CWC25: variants seen among roughly 807,000 people sequenced by gnomAD.
CWC25 encodes pre-mRNA-splicing factor CWC25 homolog.
In CWC25, 31 loss-of-function variants were observed where a neutral mutation model predicts 54.6. The ratio of observed to expected loss-of-function variants is 0.57; its 90% CI spans 0.43 to 0.77. The LOEUF is 0.77. CWC25 is among the 30% of genes least tolerant of loss of function. The pLI is 0.00. For missense variants in CWC25, 453 were observed against 529.3 expected, an observed-to-expected ratio of 0.86 and a Z score of 1.41; for synonymous variants, 151 against 187.0, an observed-to-expected ratio of 0.81 and a Z score of 1.57.
chr17:38,818,966 G>C (rs1238676993), intron 2 of CWC25, among the ~76,000 whole-genome samples: 1 of 152,184 alleles, frequency 6.6e-6, no homozygotes, highest in East Asian at 1.9e-4. Context: ...CCTTTGGATA[G>C]TACCTCGGCT....
chr17:38,811,837 AG>A (rs1361223166), intron 4 of CWC25, among the ~76,000 whole-genome samples: 1 of 152,222 alleles, frequency 6.6e-6, no homozygotes. Context: ...TTCCACTGAA[AG>A]CAGTCAGGAA....
intron 5 of CWC25, 101 bp from the exon 6 acceptor site, chr17:38,809,866 T>C (rs1911412517): frequency 3.7e-6 from 4 of 1,070,242 alleles, no homozygotes; most frequent in Non-Finnish European, 5.5e-6. Context: ...CAATGTGACC[T>C]TTCCGCCTCC....
chr17:38,812,948 C>A, intron 3 of CWC25, 84 bp from the exon 4 acceptor site: 1 of 755,372 alleles, frequency 1.3e-6, no homozygotes, highest in Non-Finnish European at 2.2e-6. Context: ...CATATACAGA[C>A]AAACTGGCCC....
chr17:38,814,245 C>T (rs1437444939), intron 3 of CWC25, among the ~76,000 whole-genome samples: 3 of 151,922 alleles, frequency 2.0e-5, no homozygotes, highest in African/African-American at 7.2e-5. Flanking sequence ...GGTTGCACAA[C>T]ACTTTGACTG....
At chr17:38,820,366 C>T (rs1355280696) in intron 2 of CWC25, among the ~76,000 whole-genome samples, 1 of 152,160 alleles carries the variant, frequency 6.6e-6, no homozygotes, top group Non-Finnish European at 1.5e-5. Context: ...ATCTGCTACT[C>T]GTATCCTATA....
At chr17:38,816,224 A>C (rs564806997) in intron 2 of CWC25, among the ~76,000 whole-genome samples, 14 of 152,218 alleles carry the variant, frequency 9.2e-5, no homozygotes, top group African/African-American at 3.4e-4. Context: ...CCTGAAATTA[A>C]ATGCTTTTTG....
intron 8 of CWC25, 40 bp from the exon 9 acceptor site, chr17:38,802,901 C>CA (rs772259996): frequency 5.6e-6 from 9 of 1,608,098 alleles, no homozygotes; most frequent in South Asian, 4.4e-5. Context: ...TCTCTTCCAG[C>CA]AAAAAAACCA....
chr17:38,802,700 T>TG lies in CWC25; in HGVS notation c.1162dup (p.His388ProfsTer85). ...CCTGGCAGGAAGAAGATGCACTCAC[T>TG]GGATGAACTTCCCATCCCGGGAGTC... On this transcript the variant is annotated frameshift_variant and splice_region_variant, in exon 9 of 10. Coordinates refer to ENST00000614790, the MANE Select transcript of CWC25 (RefSeq NM_017748.5). LOFTEE classifies it high-confidence loss of function. 1 of 1,613,974 alleles carries TG rather than the reference T, an allele frequency of 6.2e-7. No homozygotes were observed. Among genetic ancestry groups the TG allele is most frequent in the Non-Finnish European group, 8.5e-7 (1 of 1,179,850 alleles).
At chr17:38,803,814 G>C (rs1449515288) in intron 8 of CWC25, among the ~76,000 whole-genome samples, 2 of 151,672 alleles carry the variant, frequency 1.3e-5, no homozygotes, top group Non-Finnish European at 2.9e-5. Flanking sequence ...TAGGCAGGAG[G>C]ATTGCTTGAG....
At chr17:38,804,130 G>GCAGT (rs749093866) in intron 8 of CWC25, among the ~76,000 whole-genome samples, 27 of 152,140 alleles carry the variant, frequency 1.8e-4, no homozygotes, top group Non-Finnish European at 2.8e-4. Context: ...AGCAAATACT[G>GCAGT]ACACTAGGAA....
At position 38,807,699 on chromosome 17, in the gene CWC25, T is replaced by C. The variant is rs571113274; in HGVS notation, c.691-723A>G. Reference sequence around the variant, plus strand: ...TGAGCCTAAGAGGTCAAGACAGCAGTGAGCCAGGATCACACCACTGCACTC... The same window carrying C: ...TGAGCCTAAGAGGTCAAGACAGCAGCGAGCCAGGATCACACCACTGCACTC... On this transcript the variant is annotated intron_variant, in intron 6 of 9. Coordinates refer to ENST00000614790, the MANE Select transcript of CWC25 (RefSeq NM_017748.5). 2.2e-3 allele frequency among the ~76,000 whole-genome samples: 286 copies of C among 129,956 alleles called. 32 individuals carry two copies. The highest frequency in any genetic ancestry group is 7.9e-3 in the African/African-American group (273 of 34,678). 85.3% of individuals were successfully genotyped at this position (129,956 alleles called of 152,430 possible).
Position 38,802,144 on chromosome 17 carries a change from T to C in CWC25, c.1226A>G (p.Tyr409Cys), listed in dbSNP as rs758294856. 1.9e-6 allele frequency: 3 copies of C among 1,613,742 alleles called. No individual in the cohort carries two copies. The highest frequency in any genetic ancestry group is 2.2e-5 in the East Asian group (1 of 44,874). The change falls in exon 10 of 10, where the codon TAC becomes TGC. Residue 409 changes from tyrosine (Y) to cysteine (C), a missense_variant. Around this residue, in one of 2 missense-constraint regions of CWC25, gnomAD observed 444 missense variants for 499.2 expected, o/e 0.89. Transcript: ENST00000614790. ...SLEDRVKRNI[Y>C]SLQRTSVALE... ...AGCTACCGAAGTTCTCTGTAAAGAG[T>C]AGATATTCCGCTTCACCCGATCCTC...
At chr17:38,814,806 T>C (rs979984725) in intron 3 of CWC25, 55 bp downstream of exon 3, 66 of 1,213,170 alleles carry the variant, frequency 5.4e-5, no homozygotes, top group Non-Finnish European at 7.0e-5. Context: ...TCAATGGCCT[T>C]AGCAGGGTCT....
In CWC25 at chr17:38,813,461, A is replaced by G. The variant is rs1911570572; in HGVS notation, c.429-597T>C. 1.3e-5 allele frequency among the ~76,000 whole-genome samples: 2 copies of G among 151,070 alleles called. 1 individual carries two copies. Among genetic ancestry groups the G allele is most frequent in the South Asian group, 4.2e-4 (2 of 4,708 alleles). ...GCACTCCAGTCTGGGTGACGGAGTG[A>G]GACCCTGTCTCAAAAAAAATAAATA... On this transcript the variant is annotated intron_variant, in intron 3 of 9. Transcript: ENST00000614790.
chr17:38,806,737 G>T (rs758479173), intron 7 of CWC25, 28 bp downstream of exon 7: 1 of 1,535,586 alleles, frequency 6.5e-7, no homozygotes, highest in Non-Finnish European at 8.7e-7. Context: ...ACAGTCACAG[G>T]TTATTTCCCA....
At chr17:38,802,539 A>C (rs4794791) in intron 9 of CWC25, among the ~76,000 whole-genome samples, 161 bp downstream of exon 9, 91,525 of 152,078 alleles carry the variant, frequency 0.6, 29,246 homozygotes, top group Middle Eastern at 0.73. Context: ...TCAAATGAAA[A>C]ACATCCCACT....
chr17:38,820,162 T>C (rs1188775802), intron 2 of CWC25, among the ~76,000 whole-genome samples: 1 of 152,210 alleles, frequency 6.6e-6, no homozygotes, highest in African/African-American at 2.4e-5. Context: ...CTCAAACTCC[T>C]GGGCTCAAGT....
intron 2 of CWC25, 35 bp from the exon 3 acceptor site, chr17:38,815,132 T>C: frequency 6.3e-7 from 1 of 1,586,938 alleles, no homozygotes; most frequent in Non-Finnish European, 8.6e-7. Context: ...TACAATTTCT[T>C]TAAAAAGCAG....
At chr17:38,812,205 G>A (rs1911518594) in intron 4 of CWC25, among the ~76,000 whole-genome samples, 1 of 151,968 alleles carries the variant, frequency 6.6e-6, no homozygotes, top group South Asian at 2.1e-4. Context: ...CCAAAATGCT[G>A]GAATTACAGG....
Sources: allele counts gnomAD v4.1 joint callset (sites outside exome capture counted in the v4.1 genomes callset), GRCh38; gene constraint gnomAD v4.1.1; regional missense constraint gnomAD v4.1.1; transcripts MANE v1.5; gene names NCBI Gene and HGNC (gene_info 2026-07-23, HGNC 2026-07-21).